The following FAM107B variants were observed in gnomAD, a reference collection of about 807,000 sequenced individuals.
FAM107B encodes the protein protein FAM107B.
A neutral mutation model predicts 31.5 loss-of-function variants in FAM107B; 21 were observed. That is an observed-to-expected ratio of 0.67 (90% confidence interval 0.47 to 0.96). FAM107B has a LOEUF of 0.96. Among genes scored for constraint, FAM107B ranks in the 40% least tolerant of loss-of-function variants. FAM107B has a pLI of 0.00. For missense variants in FAM107B, 452 were observed against 377.1 expected (o/e 1.20, Z -1.64); for synonymous variants, 157 against 141.5 (o/e 1.11, Z -0.78).
intron 1 of FAM107B, 88 bp downstream of exon 1, chr10:14,774,165 G>A (rs1833367116): frequency 6.7e-7 from 1 of 1,494,194 alleles, no homozygotes; most frequent in Admixed American, 2.1e-5. Flanking sequence ...AAGGTTAAAT[G>A]AGTTTGTTTG....
At chr10:14,662,403 G>T (rs1854268438) in intron 2 of FAM107B, among the ~76,000 whole-genome samples, 1 of 149,956 alleles carries the variant, frequency 6.7e-6, no homozygotes, top group Admixed American at 6.6e-5. Context: ...TGGAGACAGG[G>T]TCTCGCTCTC....
chr10:14,729,695 C>T (rs1022414846), intron 1 of FAM107B, among the ~76,000 whole-genome samples: 1 of 152,094 alleles, frequency 6.6e-6, no homozygotes, highest in Non-Finnish European at 1.5e-5. Context: ...TGGGTATATA[C>T]CCAAAAGATT....
At chr10:14,524,109 T>G (rs1845969196) in intron 3 of FAM107B, among the ~76,000 whole-genome samples, 1 of 150,852 alleles carries the variant, frequency 6.6e-6, no homozygotes, top group Admixed American at 6.6e-5. Flanking sequence ...TGGCACAATC[T>G]CGGCTCACTG....
In FAM107B at chr10:14,547,198, G is replaced by T. The variant is rs150966962; in HGVS notation, c.470-16683C>A. On this transcript the variant is annotated intron_variant, in intron 2 of 4. Coordinates refer to ENST00000181796, the MANE Select transcript of FAM107B (RefSeq NM_031453.4). ...GAAGCCAACTTCTGTATAACTACAC[G>T]TTGTGTTCCTGGTGGGTTTTGGCTG... is the stretch of plus-strand genomic sequence containing the variant. Among the ~76,000 whole-genome samples, 7 of 152,300 alleles carry T rather than the reference G, an allele frequency of 4.6e-5. No individual in the cohort carries two copies. In the East Asian group the frequency reaches 1.4e-3, roughly 29 times the overall value.
chr10:14,727,623 G>C (rs1856067965), intron 1 of FAM107B, among the ~76,000 whole-genome samples: 1 of 152,214 alleles, frequency 6.6e-6, no homozygotes, highest in African/African-American at 2.4e-5. Flanking sequence ...TCTGAGACAT[G>C]TGTTTTACAT....
intron 2 of FAM107B, among the ~76,000 whole-genome samples, chr10:14,547,065 T>C (rs1338141109): frequency 6.6e-6 from 1 of 152,214 alleles, no homozygotes; most frequent in Non-Finnish European, 1.5e-5. Context: ...CCCATTTCCC[T>C]AATTCCACCT....
intron 2 of FAM107B, among the ~76,000 whole-genome samples, chr10:14,648,204 GCCCCAGGCCTCAC>G (rs892978710): frequency 1.5e-4 from 23 of 152,166 alleles, no homozygotes; most frequent in Non-Finnish European, 3.1e-4. Context: ...AGCAAAATAG[GCCCCAGGCCTCAC>G]AAGGAAGCTT....
intron 1 of FAM107B, among the ~76,000 whole-genome samples, chr10:14,676,412 G>C (rs1452307227): frequency 6.6e-6 from 1 of 152,122 alleles, no homozygotes; most frequent in Non-Finnish European, 1.5e-5. Context: ...AGCAAAAACT[G>C]TGCTTCCCTT....
chr10:14,663,856 G>C (rs1010292393), intron 2 of FAM107B, among the ~76,000 whole-genome samples: 1 of 118,846 alleles, frequency 8.4e-6, no homozygotes, highest in East Asian at 2.8e-4. Flanking sequence ...TCAGGATGAA[G>C]TGTCAGATGC....
chr10:14,571,074 C>A (rs978869864), intron 2 of FAM107B, among the ~76,000 whole-genome samples: 3 of 152,072 alleles, frequency 2.0e-5, no homozygotes, highest in Non-Finnish European at 4.4e-5. Context: ...GCCAGCAGAT[C>A]GGGTGTCTGG....
At chr10:14,748,957 C>G (rs895023104) in intron 1 of FAM107B, among the ~76,000 whole-genome samples, 4 of 152,168 alleles carry the variant, frequency 2.6e-5, no homozygotes, top group African/African-American at 9.7e-5. Context: ...GGATTTTACC[C>G]ACTTCTTCCT....
chr10:14,708,892 ATAGATGTCATTAGGGAATTG>A (rs1564632569), intron 1 of FAM107B, among the ~76,000 whole-genome samples: 2 of 140,272 alleles, frequency 1.4e-5, no homozygotes, highest in African/African-American at 5.3e-5. Flanking sequence ...GATGCTCAAT[ATAGATGTCATTAGGGAATTG>A]CAGATTAAAA....
chr10:14,740,805 G>T (rs1322492011), intron 1 of FAM107B, among the ~76,000 whole-genome samples: 2 of 152,158 alleles, frequency 1.3e-5, no homozygotes, highest in African/African-American at 4.8e-5. Context: ...AAATGAGCTA[G>T]ACAGAGTCCT....
rs577685799 is a variant in FAM107B, at chr10:14,520,150, G to A, written c.*1040C>T. 6.6e-6 allele frequency: 1 copy of A among 152,576 alleles called. No homozygotes were observed. Among genetic ancestry groups the A allele is most frequent in the Non-Finnish European group, 1.5e-5 (1 of 68,018 alleles). 9.5% of individuals were successfully genotyped at this position (152,576 alleles called of 1,614,324 possible). On this transcript the variant is annotated 3_prime_UTR_variant, in exon 5 of 5. Transcript: ENST00000181796. ...CATTAATCAGAAATTTTCAAAGCTT[G>A]GATTCTAATGATATGCATTATCATT...
chr10:14,681,803 C>T (rs559186605), intron 1 of FAM107B, among the ~76,000 whole-genome samples: 107 of 152,256 alleles, frequency 7.0e-4, no homozygotes, highest in African/African-American at 2.4e-3. Context: ...ATACACACAG[C>T]GCAACAGTTC....
At chr10:14,654,771 A>G (rs1389678728) in intron 2 of FAM107B, among the ~76,000 whole-genome samples, 1 of 152,206 alleles carries the variant, frequency 6.6e-6, no homozygotes, top group Non-Finnish European at 1.5e-5. Flanking sequence ...GCGATAGTCA[A>G]CTTCAAGGTG....
In FAM107B at chr10:14,519,233, C is replaced by CTGTG. The variant is rs1845406965; in HGVS notation, c.*1956_*1957insCACA. 6.6e-6 allele frequency: 1 copy of CTGTG among 151,878 alleles called. No individual in the cohort carries two copies. The highest frequency in any genetic ancestry group is 1.9e-4 in the East Asian group (1 of 5,198). 9.4% of individuals were successfully genotyped at this position (151,878 alleles called of 1,614,324 possible). On this transcript the variant is annotated 3_prime_UTR_variant, in exon 5 of 5. Transcript: ENST00000181796. ...AAATGGTCCTTCTAAAGGAGCCTAC[C>CTGTG]AGGGCCCCTGTGAATACGATCAAGT...
At chr10:14,572,738 T>A (rs1211974170) in intron 2 of FAM107B, among the ~76,000 whole-genome samples, 4 of 120,218 alleles carry the variant, frequency 3.3e-5, no homozygotes, top group African/African-American at 9.8e-5. Flanking sequence ...AAAAAAAAAA[T>A]TTATATATAT....
chr10:14,731,821 A>G (rs1046958121), intron 1 of FAM107B, among the ~76,000 whole-genome samples: 5 of 152,184 alleles, frequency 3.3e-5, no homozygotes, highest in Admixed American at 6.5e-5. Flanking sequence ...AATAGGCTAC[A>G]GCATCCAGCC....
Sources: allele counts gnomAD v4.1 joint callset (sites outside exome capture counted in the v4.1 genomes callset), GRCh38; gene constraint gnomAD v4.1.1; transcripts MANE v1.5; gene names NCBI Gene and HGNC (gene_info 2026-07-23, HGNC 2026-07-21).